ARHGAP19: variants seen among roughly 807,000 people sequenced by gnomAD.
ARHGAP19 encodes Rho GTPase activating protein 19, also known as rho GTPase-activating protein 19.
A neutral mutation model predicts 60.9 loss-of-function variants in ARHGAP19; 48 were observed. The ratio of observed to expected loss-of-function variants is 0.79; its 90% CI spans 0.62 to 1.00. ARHGAP19 has a LOEUF of 1.00. Ranked by LOEUF, ARHGAP19 falls within the 50% of genes least tolerant of loss-of-function variation. The probability of loss-of-function intolerance (pLI) is 0.00; values close to 1 mark genes in which losing one functional copy is unlikely to be tolerated. For missense variants in ARHGAP19, 562 were observed against 597.2 expected (o/e 0.94, Z 0.61); for synonymous variants, 209 against 215.5 (o/e 0.97, Z 0.27).
chr10:97,291,983 G>A (rs1843240889), intron 1 of ARHGAP19, among the ~76,000 whole-genome samples: 2 of 152,254 alleles, frequency 1.3e-5, no homozygotes, highest in Middle Eastern at 6.8e-3. Flanking sequence ...CTAGGAAGAA[G>A]AAAATCTATT....
At chr10:97,244,863 T>C (rs374687443) in intron 7 of ARHGAP19, among the ~76,000 whole-genome samples, 1 of 151,276 alleles carries the variant, frequency 6.6e-6, no homozygotes, top group African/African-American at 2.4e-5. Context: ...CAAAAAGTGC[T>C]TGTAAAATTT....
chr10:97,280,479 T>C (rs972160552), intron 1 of ARHGAP19, among the ~76,000 whole-genome samples: 2 of 152,184 alleles, frequency 1.3e-5, no homozygotes, highest in African/African-American at 4.8e-5. Flanking sequence ...GAAAAAGTTC[T>C]ATAGGATGCT....
chr10:97,265,771 T>C lies in ARHGAP19; in HGVS notation c.322+89A>G, dbSNP rs971120192. 7.9e-6 allele frequency: 12 copies of C among 1,511,634 alleles called. No homozygotes were observed. The East Asian group carries it at 2.3e-4, about 29-fold the overall frequency. 93.6% of individuals were successfully genotyped at this position (1,511,634 alleles called of 1,614,324 possible). On this transcript the variant is annotated intron_variant, in intron 2 of 11. Coordinates refer to ENST00000358531, the MANE Select transcript of ARHGAP19 (RefSeq NM_032900.6). ...ATGGCCAAAAAATGCTTTAAGTTAA[T>C]AGCAACTCTTCGGTGAATGTGTAGA...
chr10:97,266,061 T>G lies in ARHGAP19; in HGVS notation c.121A>C (p.Asn41His). ...SSLRGQPIIF[N>H]PDFFVEKLRH... ...AGTTTCTCCACAAAAAAGTCAGGAT[T>G]AAAGATAATGGGCTGACCTCGAAGG... The change falls in exon 2 of 12, where the codon AAT becomes CAT. Residue 41 changes from asparagine to histidine, a missense_variant. By Grantham distance (68) the Asn-to-His change is moderately conservative. Transcript: ENST00000358531. 6.2e-7 allele frequency: 1 copy of G among 1,614,208 alleles called. No homozygotes were observed. The highest frequency in any genetic ancestry group is 1.1e-5 in the South Asian group (1 of 91,090).
Position 97,244,081 on chromosome 10 carries a change from A to T in ARHGAP19, c.1072T>A (p.Ser358Thr), listed in dbSNP as rs148394645. The T allele has an allele frequency of 5.8e-5, 93 of 1,614,076 alleles. No individual in the cohort carries two copies. In the African/African-American group the frequency reaches 1.1e-3, roughly 19 times the overall value. ...AKSQKRNRVDSCPHQEETQHH... is the reference protein window; with the variant it reads ...AKSQKRNRVDTCPHQEETQHH... ...TGGGTCTCCTCCTGGTGAGGGCAGG[A>T]ATCTACCCGGTTCCGTTTCTGAGAC... The change falls in exon 8 of 12, where the codon TCC (serine) becomes ACC (threonine). Residue 358 changes from serine (S) to threonine (T), a missense_variant. Ser to Thr is a moderately conservative substitution (Grantham distance 58). Transcript: ENST00000358531.
chr10:97,260,138 AT>A (rs1842810378), intron 4 of ARHGAP19, among the ~76,000 whole-genome samples: 1 of 150,874 alleles, frequency 6.6e-6, no homozygotes, highest in Non-Finnish European at 1.5e-5. Context: ...CCCGGCCAAA[AT>A]TTTTTTTAAT....
At chr10:97,264,127 C>T (rs1234668774) in intron 3 of ARHGAP19, among the ~76,000 whole-genome samples, 1 of 152,076 alleles carries the variant, frequency 6.6e-6, no homozygotes, top group Non-Finnish European at 1.5e-5. Context: ...CTAAGAGATT[C>T]CCAGAAGCTT....
chr10:97,265,819 G>A, intron 2 of ARHGAP19, 41 bp downstream of exon 2: 1 of 1,594,026 alleles, frequency 6.3e-7, no homozygotes, highest in African/African-American at 1.3e-5. Flanking sequence ...AGCCCAGGGA[G>A]CAGCTGAGGC....
At chr10:97,240,954 C>T (rs764093194) in intron 8 of ARHGAP19, among the ~76,000 whole-genome samples, 2 of 152,026 alleles carry the variant, frequency 1.3e-5, no homozygotes, top group Non-Finnish European at 2.9e-5. Context: ...TTCAATGTTT[C>T]TATAGTGAGC....
chr10:97,274,164 A>G (rs941760327), intron 1 of ARHGAP19, among the ~76,000 whole-genome samples: 18 of 152,108 alleles, frequency 1.2e-4, no homozygotes, highest in Admixed American at 1.0e-3. Context: ...AGAGGCATGA[A>G]GGTATGAAAG....
At chr10:97,264,536 C>CA (rs1842873345) in intron 3 of ARHGAP19, among the ~76,000 whole-genome samples, 2 of 151,830 alleles carry the variant, frequency 1.3e-5, no homozygotes, top group South Asian at 4.2e-4. Flanking sequence ...ATAAATGCAA[C>CA]AATTCTTTAG....
At chr10:97,265,676 T>C in intron 2 of ARHGAP19, 184 bp downstream of exon 2, 2 of 639,444 alleles carry the variant, frequency 3.1e-6, no homozygotes, top group Non-Finnish European at 5.1e-6. Context: ...TAATTATTTA[T>C]TTATCTAGAC....
chr10:97,264,371 T>C (rs754587161), intron 3 of ARHGAP19, among the ~76,000 whole-genome samples: 1 of 151,760 alleles, frequency 6.6e-6, no homozygotes, highest in Non-Finnish European at 1.5e-5. Context: ...GAGAATCACC[T>C]GAGCCCGGGA....
chr10:97,286,966 T>C (rs1476324908), intron 1 of ARHGAP19, among the ~76,000 whole-genome samples: 1 of 152,062 alleles, frequency 6.6e-6, no homozygotes, highest in Admixed American at 6.6e-5. Flanking sequence ...TGTTGTTGTT[T>C]GTACAGGGTC....
At chr10:97,250,321 T>C (rs1056406101) in intron 6 of ARHGAP19, among the ~76,000 whole-genome samples, 1 of 152,074 alleles carries the variant, frequency 6.6e-6, no homozygotes, top group Non-Finnish European at 1.5e-5. Context: ...ATATTTGAAA[T>C]TTTTCAAAAT....
intron 1 of ARHGAP19, among the ~76,000 whole-genome samples, chr10:97,271,614 T>C (rs1036508244): frequency 6.6e-6 from 1 of 152,020 alleles, no homozygotes; most frequent in African/African-American, 2.4e-5. Flanking sequence ...AAAAATAGTA[T>C]CTTTCCCTAC....
At chr10:97,244,213 G>A (rs1842530323) in intron 7 of ARHGAP19, 54 bp from the exon 8 acceptor site, 1 of 1,459,012 alleles carries the variant, frequency 6.9e-7, no homozygotes, top group South Asian at 1.3e-5. Context: ...ACTTTGTTTT[G>A]GGGTTCTTAC....
intron 1 of ARHGAP19, among the ~76,000 whole-genome samples, chr10:97,280,955 G>A (rs1025905930): frequency 6.6e-6 from 1 of 152,116 alleles, no homozygotes; most frequent in African/African-American, 2.4e-5. Context: ...GATCTGATTA[G>A]GTCCTAAAAG....
At position 97,254,087 on chromosome 10, in the gene ARHGAP19, C is replaced by T. The variant is rs112340018; in HGVS notation, c.927+2231G>A. Reference sequence around the variant, plus strand: ...AGATTGCTAAGATGTCAATACTACTCGAGGCAATCTACAGATTCAATACAA... The same window carrying T: ...AGATTGCTAAGATGTCAATACTACTTGAGGCAATCTACAGATTCAATACAA... On this transcript the variant is annotated intron_variant, in intron 6 of 11. Coordinates refer to ENST00000358531, the MANE Select transcript of ARHGAP19 (RefSeq NM_032900.6). 6.2e-4 allele frequency among the ~76,000 whole-genome samples: 94 copies of T among 152,224 alleles called. 2 individuals are homozygous for T. The highest frequency in any genetic ancestry group is 1.6e-3 in the African/African-American group (68 of 41,548).
Sources: gnomAD v4.1 joint callset for allele counts (sites outside exome capture counted in the v4.1 genomes callset) on GRCh38, gnomAD v4.1.1 for gene constraint, MANE v1.5 for transcripts, NCBI Gene and HGNC (gene_info 2026-07-23, HGNC 2026-07-21) for gene names.